DOK6: variants seen among roughly 807,000 people sequenced by gnomAD.
DOK6 encodes docking protein 6, also known as downstream of tyrosine kinase 6.
A neutral mutation model predicts 44.0 loss-of-function variants in DOK6; 22 were observed. The ratio of observed to expected loss-of-function variants is 0.50; its 90% CI spans 0.36 to 0.71. The LOEUF is 0.71. DOK6 is among the 30% of genes least tolerant of loss of function. The pLI is 0.00. For missense variants in DOK6, 340 were observed against 416.4 expected (o/e 0.82, Z 1.60); for synonymous variants, 166 against 145.5 (o/e 1.14, Z -1.01).
intron 3 of DOK6, among the ~76,000 whole-genome samples, chr18:69,637,976 G>C (rs910284728): frequency 2.6e-5 from 4 of 151,746 alleles, no homozygotes; most frequent in African/African-American, 9.7e-5. Context: ...AACATACCTT[G>C]GTTTCAAAAA....
In DOK6 at chr18:69,617,730, G is replaced by GAAAGAAAGAAAGAAAAA; in HGVS notation, c.289+18232_289+18233insAAAGAAAGAAAGAAAAA. Among the ~76,000 whole-genome samples, 141 of 88,750 alleles carry GAAAGAAAGAAAGAAAAA rather than the reference G, an allele frequency of 1.6e-3. 11 individuals carry two copies. In the Middle Eastern group the frequency reaches 0.016, roughly 10 times the overall value. The allele number at this position is 88,750 out of a possible 152,430, so 58.2% of individuals were successfully genotyped here. ...AGAAAAGAAAGAAAGAAAGAAAAAAGGGGGAAGGAGGGAAGGAAGGAAGGA... is the reference window on the plus strand; with the variant it reads ...AGAAAAGAAAGAAAGAAAGAAAAAAGAAAGAAAGAAAGAAAAAGGGGAAGGAGGGAAGGAAGGAAGGA... On this transcript the variant is annotated intron_variant, in intron 3 of 7. Coordinates refer to ENST00000382713, the MANE Select transcript of DOK6 (RefSeq NM_152721.6).
intron 5 of DOK6, among the ~76,000 whole-genome samples, chr18:69,738,198 G>C (rs1978678604): frequency 6.6e-6 from 1 of 151,972 alleles, no homozygotes; most frequent in African/African-American, 2.4e-5. Flanking sequence ...AAATCTTTTT[G>C]GTGCTTAAAG....
intron 7 of DOK6, chr18:69,781,566 A>G (rs1980267732): frequency 6.6e-6 from 1 of 152,142 alleles, no homozygotes; most frequent in African/African-American, 2.4e-5. Context: ...AAAGTACTCT[A>G]TTACTAACCG....
chr18:69,700,216 C>T (rs5006750), intron 5 of DOK6, among the ~76,000 whole-genome samples: 132 of 124,302 alleles, frequency 1.1e-3, no homozygotes, highest in East Asian at 5.6e-3. Flanking sequence ...CATATATATA[C>T]ATATATATAT....
intron 1 of DOK6, chr18:69,469,521 G>T (rs1382139441): frequency 7.1e-5 from 11 of 155,608 alleles, no homozygotes; most frequent in African/African-American, 1.2e-4. Flanking sequence ...CGCCACTAGG[G>T]CGCAGCAGAT....
At chr18:69,668,576 A>C (rs574890584) in intron 3 of DOK6, among the ~76,000 whole-genome samples, 8 of 152,232 alleles carry the variant, frequency 5.3e-5, no homozygotes, top group African/African-American at 1.9e-4. Context: ...GAGGTGTGGT[A>C]GGAGTTTATT....
At chr18:69,716,099 G>C (rs967200087) in intron 5 of DOK6, among the ~76,000 whole-genome samples, 1 of 152,164 alleles carries the variant, frequency 6.6e-6, no homozygotes, top group Non-Finnish European at 1.5e-5. Context: ...TTCAAATCAA[G>C]TCATTGATAT....
At position 69,412,104 on chromosome 18, in the gene DOK6, A is replaced by G. The variant is rs144675932; in HGVS notation, c.66+10794A>G. 1.5e-3 allele frequency among the ~76,000 whole-genome samples: 228 copies of G among 152,286 alleles called. 2 individuals carry two copies. The highest frequency in any genetic ancestry group is 2.8e-3 in the Non-Finnish European group (188 of 68,018). ...GGTAGTTTTCGATGCCTTCGAATAT[A>G]TATACTTTTTGTATGTGTGCAGCAT... On this transcript the variant is annotated intron_variant, in intron 1 of 7. Coordinates refer to ENST00000382713, the MANE Select transcript of DOK6 (RefSeq NM_152721.6).
chr18:69,667,688 G>A (rs891932483), intron 3 of DOK6, among the ~76,000 whole-genome samples: 7 of 152,184 alleles, frequency 4.6e-5, no homozygotes, highest in Non-Finnish European at 1.0e-4. Flanking sequence ...CATTTTTCTG[G>A]TTTCTTCTTC....
intron 5 of DOK6, among the ~76,000 whole-genome samples, chr18:69,715,727 T>C (rs1206659716): frequency 3.3e-5 from 5 of 152,238 alleles, no homozygotes; most frequent in Non-Finnish European, 7.3e-5. Flanking sequence ...GAGATTGTAT[T>C]AGAAACCAGT....
chr18:69,711,665 T>C (rs1338814146), intron 5 of DOK6, among the ~76,000 whole-genome samples: 5 of 152,226 alleles, frequency 3.3e-5, no homozygotes, highest in Non-Finnish European at 5.9e-5. Context: ...GCATCACATA[T>C]TTATTTGCTC....
At chr18:69,607,547 T>C (rs1984032091) in intron 3 of DOK6, among the ~76,000 whole-genome samples, 1 of 152,052 alleles carries the variant, frequency 6.6e-6, no homozygotes, top group Non-Finnish European at 1.5e-5. Flanking sequence ...AATATTAAAA[T>C]ATAAACCTCT....
chr18:69,581,604 G>C (rs1279445833), intron 2 of DOK6, among the ~76,000 whole-genome samples: 1 of 152,160 alleles, frequency 6.6e-6, no homozygotes, highest in Non-Finnish European at 1.5e-5. Flanking sequence ...AGTGAAACAT[G>C]ATACAACTTT....
At chr18:69,638,994 C>G (rs560104198) in intron 3 of DOK6, among the ~76,000 whole-genome samples, 1 of 151,944 alleles carries the variant, frequency 6.6e-6, no homozygotes, top group Admixed American at 6.5e-5. Context: ...TTTGTTTTTT[C>G]TTTTTTTATA....
At chr18:69,550,438 C>T (rs888280961) in intron 1 of DOK6, among the ~76,000 whole-genome samples, 1 of 152,066 alleles carries the variant, frequency 6.6e-6, no homozygotes, top group Non-Finnish European at 1.5e-5. Flanking sequence ...ATTTGAGAAA[C>T]AATATATTTT....
chr18:69,659,294 T>C (rs1985448575), intron 3 of DOK6, among the ~76,000 whole-genome samples: 1 of 152,244 alleles, frequency 6.6e-6, no homozygotes, highest in South Asian at 2.1e-4. Context: ...GTCACTGCTG[T>C]GCACGTCTAC....
At chr18:69,661,436 G>A (rs945710415) in intron 3 of DOK6, 19 of 152,118 alleles carry the variant, frequency 1.2e-4, no homozygotes, top group African/African-American at 4.3e-4. Context: ...CAAACATTCA[G>A]TTTATAGCAT....
chr18:69,594,592 A>G (rs1983697850), intron 2 of DOK6, among the ~76,000 whole-genome samples: 1 of 148,658 alleles, frequency 6.7e-6, no homozygotes, highest in Non-Finnish European at 1.5e-5. Context: ...AAACAGGCAA[A>G]AAAAAAAAAA....
intron 3 of DOK6, chr18:69,660,138 C>T (rs1985485800): frequency 6.6e-6 from 1 of 151,934 alleles, no homozygotes; most frequent in South Asian, 2.1e-4. Context: ...ATGACATAAG[C>T]AAACAGGGCC....
Sources: allele counts gnomAD v4.1 joint callset (sites outside exome capture counted in the v4.1 genomes callset), GRCh38; gene constraint gnomAD v4.1.1; transcripts MANE v1.5; gene names NCBI Gene and HGNC (gene_info 2026-07-23, HGNC 2026-07-21).